Variants in CTDSP2 observed in about 807,000 individuals in gnomAD.
CTDSP2 encodes CTD small phosphatase 2.
A neutral mutation model predicts 31.6 loss-of-function variants in CTDSP2; 9 were observed. That is an observed-to-expected ratio of 0.28 (90% CI 0.17 to 0.50). The LOEUF (loss-of-function observed/expected upper bound fraction) is 0.50. Among genes scored for constraint, CTDSP2 ranks in the 20% least tolerant of loss-of-function variants. The pLI is 0.98. For synonymous variants in CTDSP2, 134 were observed against 134.5 expected (o/e 1.00, Z 0.03); for missense variants, 267 against 348.5 (o/e 0.77, Z 1.86).
In CTDSP2 at chr12:57,834,380, C is replaced by G. The variant is rs1956234303; in HGVS notation, c.65-4784G>C. Among the ~76,000 whole-genome samples, 5 of 152,284 alleles carry G rather than the reference C, an allele frequency of 3.3e-5. No homozygotes were observed. In the South Asian group the frequency reaches 1.0e-3, roughly 32 times the overall value. On this transcript the variant is annotated intron_variant, in intron 1 of 7. Transcript: ENST00000398073. ...GGACCAGTCTGGGGTCTAGCCCCTA[C>G]CCCTTGCCCCAGGTTTTCTTGGGCA... is the stretch of plus-strand genomic sequence containing the variant.
chr12:57,824,508 C>T, intron 5 of CTDSP2, 189 bp from the exon 6 acceptor site: 1 of 664,052 alleles, frequency 1.5e-6, no homozygotes. Flanking sequence ...TACCCCTCAC[C>T]AGGCTTCCAA....
chr12:57,840,521 C>T (rs1265465803), intron 1 of CTDSP2, among the ~76,000 whole-genome samples: 1 of 152,108 alleles, frequency 6.6e-6, no homozygotes, highest in African/African-American at 2.4e-5. Context: ...AAAGAGGGGT[C>T]CTAGCTCTAT....
intron 1 of CTDSP2, among the ~76,000 whole-genome samples, chr12:57,844,083 T>C (rs1232764334): frequency 2.6e-5 from 4 of 152,062 alleles, no homozygotes; most frequent in African/African-American, 9.7e-5. Flanking sequence ...TAATCCCAGC[T>C]ACTTGGGAGG....
chr12:57,827,062 C>T lies in CTDSP2; in HGVS notation c.288G>A (p.Glu96=), dbSNP rs1956187165. ...PGTCLLPEVT[E]EDQGRICVVI... is the part of the protein sequence containing the mutation. ...CCACACAGATCCTTCCTTGATCTTC[C>T]TCTGTCACCTCTGGGAGCAGGCAGG... is the stretch of plus-strand genomic sequence containing the variant. The change falls in exon 4 of 8, where the codon GAG becomes GAA. Residue 96 remains glutamate (E), a synonymous_variant. Coordinates refer to ENST00000398073, the MANE Select transcript of CTDSP2 (RefSeq NM_005730.4). The T allele has an allele frequency of 1.9e-6, 3 of 1,613,778 alleles. No individual in the cohort carries two copies. The highest frequency in any genetic ancestry group is 2.5e-6 in the Non-Finnish European group (3 of 1,179,942).
Position 57,846,390 on chromosome 12 carries a change from G to A in CTDSP2, c.46C>T (p.Leu16=), listed in dbSNP as rs996256717. The A allele has an allele frequency of 1.2e-6, 2 of 1,608,864 alleles. No homozygotes were observed. Among genetic ancestry groups the A allele is most frequent in the South Asian group, 1.1e-5 (1 of 89,812 alleles). Residue 16 remains leucine (L), a synonymous_variant, in exon 1 of 8, where the codon CTG becomes TTG. Coordinates refer to ENST00000398073, the MANE Select transcript of CTDSP2 (RefSeq NM_005730.4). ...CCCCTACCTTGCTTGGTGAGCACCA[G>A]GGCGTCTTCCCTCCGCGCCTGGGTG... The part of the protein sequence containing the change: ...IITQARREDA[L]VLTKQGLVSK...
In CTDSP2 at chr12:57,822,909, C is replaced by A. The variant is rs995289936; in HGVS notation, c.*693G>T. 6.5e-6 allele frequency: 1 copy of A among 152,740 alleles called. No individual in the cohort carries two copies. Among genetic ancestry groups the A allele is most frequent in the African/African-American group, 2.4e-5 (1 of 41,454 alleles). 9.5% of individuals were successfully genotyped at this position (152,740 alleles called of 1,614,324 possible). On this transcript the variant is annotated 3_prime_UTR_variant, in exon 8 of 8. Transcript: ENST00000398073. ...CTTCCCCACAGGTTTGAGACTATGG[C>A]TAGGTGGTGAGGAAGGCAGGCTCAG... is the stretch of plus-strand genomic sequence containing the variant.
In CTDSP2 at chr12:57,846,493, G is replaced by C; in HGVS notation, c.-58C>G. On this transcript the variant is annotated 5_prime_UTR_variant, in exon 1 of 8. Transcript: ENST00000398073. ...GGGAGGACGGGCGGGCGCGCGGGCT[G>C]GGCTGGGCTGGGGGGCCTGGGCGGG... is the stretch of plus-strand genomic sequence containing the variant. 6.8e-7 allele frequency: 1 copy of C among 1,465,890 alleles called. No individual in the cohort carries two copies. Among genetic ancestry groups the C allele is most frequent in the South Asian group, 1.3e-5 (1 of 78,038 alleles). 90.8% of individuals were successfully genotyped at this position (1,465,890 alleles called of 1,614,324 possible). A position where few individuals can be genotyped will look rare whatever the true frequency, so the allele number is the denominator to read the frequency against.
intron 1 of CTDSP2, among the ~76,000 whole-genome samples, chr12:57,841,627 G>C (rs1232588368): frequency 2.0e-5 from 3 of 152,206 alleles, no homozygotes; most frequent in Non-Finnish European, 4.4e-5. Flanking sequence ...GAAGGGGTCT[G>C]TGCAGCAAGG....
At chr12:57,845,173 C>T (rs899924443) in intron 1 of CTDSP2, among the ~76,000 whole-genome samples, 3 of 152,182 alleles carry the variant, frequency 2.0e-5, no homozygotes, top group Non-Finnish European at 4.4e-5. Flanking sequence ...GGAGGGAGCG[C>T]TCCGGCTTCG....
intron 1 of CTDSP2, among the ~76,000 whole-genome samples, chr12:57,832,138 G>A (rs1050060784): frequency 1.3e-5 from 2 of 152,188 alleles, no homozygotes; most frequent in Admixed American, 6.5e-5. Flanking sequence ...GAGCTTGCGC[G>A]CATGCTCTCT....
At chr12:57,837,987 G>GT (rs1343273386) in intron 1 of CTDSP2, among the ~76,000 whole-genome samples, 1 of 152,190 alleles carries the variant, frequency 6.6e-6, no homozygotes, top group Admixed American at 6.5e-5. Flanking sequence ...AGCTAGAGAG[G>GT]TAAGAGGACT....
In CTDSP2 at chr12:57,821,151, C is replaced by T. The variant is rs1007748959; in HGVS notation, c.*2451G>A. The stretch of plus-strand genomic sequence containing the variant: ...CACGGTGAAACTGGAAACCCGACAG[C>T]AAATAATGACTAGGCTGGCTCTGGT... On this transcript the variant is annotated 3_prime_UTR_variant, in exon 8 of 8. Transcript: ENST00000398073. 1 of 152,262 alleles carries T rather than the reference C, an allele frequency of 6.6e-6. No individual in the cohort carries two copies. Among genetic ancestry groups the T allele is most frequent in the Admixed American group, 6.5e-5 (1 of 15,282 alleles). The allele number at this position is 152,262 out of a possible 1,614,324, so 9.4% of individuals were successfully genotyped here.
chr12:57,832,705 T>C (rs761678856), intron 1 of CTDSP2, among the ~76,000 whole-genome samples: 12 of 131,994 alleles, frequency 9.1e-5, no homozygotes, highest in Non-Finnish European at 1.8e-4. Flanking sequence ...GGCAGGAGAA[T>C]CACTTGAATC....
At chr12:57,832,382 C>T (rs958727101) in intron 1 of CTDSP2, among the ~76,000 whole-genome samples, 4 of 152,150 alleles carry the variant, frequency 2.6e-5, no homozygotes, top group Non-Finnish European at 5.9e-5. Context: ...CAGCAGAGCC[C>T]AGCACTCAAA....
intron 2 of CTDSP2, 26 bp downstream of exon 2, chr12:57,829,422 G>C: frequency 6.2e-7 from 1 of 1,607,324 alleles, no homozygotes; most frequent in Non-Finnish European, 8.5e-7. Flanking sequence ...TTCATTGCTG[G>C]CATCTTACCA....
intron 5 of CTDSP2, chr12:57,824,764 C>A: frequency 2.0e-6 from 1 of 491,508 alleles, no homozygotes; most frequent in Non-Finnish European, 4.2e-6. Context: ...ATGAATTGCA[C>A]CAGGGAGAAG....
chr12:57,837,877 C>T (rs1268717287), intron 1 of CTDSP2, among the ~76,000 whole-genome samples: 1 of 152,050 alleles, frequency 6.6e-6, no homozygotes, highest in Non-Finnish European at 1.5e-5. Flanking sequence ...ATGGCTGTCT[C>T]TTCTTTCAGA....
At chr12:57,828,443 A>G (rs1345361799) in intron 2 of CTDSP2, among the ~76,000 whole-genome samples, 1 of 151,744 alleles carries the variant, frequency 6.6e-6, no homozygotes, top group East Asian at 1.9e-4. Context: ...AAAAAAAGTT[A>G]TGGTTTTAAG....
intron 1 of CTDSP2, among the ~76,000 whole-genome samples, chr12:57,837,928 TCA>T (rs1444860330): frequency 9.2e-5 from 14 of 152,020 alleles, no homozygotes; most frequent in African/African-American, 3.4e-4. Context: ...GGGTCACAGG[TCA>T]CACACTTTCT....
Sources: allele counts gnomAD v4.1 joint callset (sites outside exome capture counted in the v4.1 genomes callset), GRCh38; gene constraint gnomAD v4.1.1; transcripts MANE v1.5; gene names NCBI Gene and HGNC (gene_info 2026-07-23, HGNC 2026-07-21).